Variants in SLC22A15 observed in about 807,000 individuals in gnomAD.
SLC22A15 encodes solute carrier family 22 member 15, also known as flipt 1.
Under a neutral mutation model 62.7 loss-of-function variants are expected in SLC22A15, and 45 were observed. The ratio of observed to expected loss-of-function variants is 0.72; its 90% CI spans 0.56 to 0.92. SLC22A15 has a LOEUF of 0.92. SLC22A15 is among the 40% of genes least tolerant of loss of function. SLC22A15 has a pLI of 0.00. For missense variants in SLC22A15, 622 were observed against 665.6 expected (o/e 0.93, Z 0.72); for synonymous variants, 264 against 267.0 (o/e 0.99, Z 0.11).
intron 5 of SLC22A15, 151 bp from the exon 6 acceptor site, chr1:116,031,215 C>T: frequency 3.3e-6 from 2 of 606,838 alleles, no homozygotes; most frequent in African/African-American, 1.9e-5. Context: ...TGAAAGTAGC[C>T]CTTTCATATG....
intron 1 of SLC22A15, among the ~76,000 whole-genome samples, chr1:115,976,990 A>G (rs1490216791): frequency 2.0e-5 from 3 of 151,756 alleles, no homozygotes; most frequent in African/African-American, 7.3e-5. Context: ...GTGTTGGGGG[A>G]GGTTTCTCAG....
At chr1:116,035,427 A>T in intron 7 of SLC22A15, 100 bp downstream of exon 7, 1 of 1,012,084 alleles carries the variant, frequency 9.9e-7, no homozygotes, top group Non-Finnish European at 1.4e-6. Context: ...TTGTCTTTGT[A>T]TGCAGTATCA....
chr1:115,983,352 A>T (rs1654701882), intron 1 of SLC22A15, among the ~76,000 whole-genome samples: 1 of 152,156 alleles, frequency 6.6e-6, no homozygotes, highest in Non-Finnish European at 1.5e-5. Context: ...ATAAATGCAG[A>T]TATTTTGCCT....
chr1:115,990,327 A>G (rs1443675201), intron 1 of SLC22A15, among the ~76,000 whole-genome samples: 1 of 152,256 alleles, frequency 6.6e-6, no homozygotes, highest in East Asian at 1.9e-4. Context: ...TGCATTCACT[A>G]GAACGTGTGT....
At chr1:116,056,052 C>T (rs1223066853) in intron 8 of SLC22A15, among the ~76,000 whole-genome samples, 1 of 122,336 alleles carries the variant, frequency 8.2e-6, no homozygotes, top group Non-Finnish European at 1.7e-5. Context: ...GAAGTTCTGG[C>T]CAGGGCAATT....
At chr1:116,016,786 A>G (rs1656557847) in intron 2 of SLC22A15, among the ~76,000 whole-genome samples, 1 of 152,088 alleles carries the variant, frequency 6.6e-6, no homozygotes, top group Admixed American at 6.6e-5. Flanking sequence ...CTGCATCTCC[A>G]TCACAACATC....
chr1:116,056,312 T>TC (rs201141766), intron 8 of SLC22A15, among the ~76,000 whole-genome samples: 136,616 of 141,440 alleles, frequency 0.97, 66,206 homozygotes, highest in East Asian at 1. Flanking sequence ...CACAATTGCT[T>TC]AAAGAGAATA....
chr1:116,056,686 T>G (rs955559687), intron 8 of SLC22A15, among the ~76,000 whole-genome samples: 1 of 152,106 alleles, frequency 6.6e-6, no homozygotes, highest in Non-Finnish European at 1.5e-5. Context: ...CAAAACAGCA[T>G]GGTACTGGTA....
intron 6 of SLC22A15, among the ~76,000 whole-genome samples, chr1:116,033,579 G>GTA (rs1657517733): frequency 7.4e-6 from 1 of 135,214 alleles, no homozygotes; most frequent in African/African-American, 2.7e-5. Flanking sequence ...GTGTGTGTGT[G>GTA]TGTGTGTGTA....
intron 8 of SLC22A15, among the ~76,000 whole-genome samples, chr1:116,053,720 A>G (rs1489268375): frequency 3.3e-5 from 5 of 152,230 alleles, no homozygotes; most frequent in African/African-American, 1.2e-4. Flanking sequence ...CAGAAACTCT[A>G]CAAGCCAGAA....
At chr1:116,018,363 T>G (rs1180192535) in intron 2 of SLC22A15, among the ~76,000 whole-genome samples, 4 of 152,138 alleles carry the variant, frequency 2.6e-5, no homozygotes, top group Non-Finnish European at 5.9e-5. Context: ...TTATTTTATT[T>G]TATTTTATTT....
chr1:116,052,060 G>C (rs1658068385), intron 8 of SLC22A15, among the ~76,000 whole-genome samples: 1 of 152,236 alleles, frequency 6.6e-6, no homozygotes, highest in African/African-American at 2.4e-5. Context: ...GCGCAGGACA[G>C]TGGGTGCAGT....
At chr1:116,058,274 A>G (rs961678220) in intron 8 of SLC22A15, among the ~76,000 whole-genome samples, 1 of 152,180 alleles carries the variant, frequency 6.6e-6, no homozygotes, top group African/African-American at 2.4e-5. Context: ...TCAGTAAGGA[A>G]AAACAAACAA....
At position 115,999,751 on chromosome 1, in the gene SLC22A15, G is replaced by C. The variant is rs945234139; in HGVS notation, c.300+7508G>C. Among the ~76,000 whole-genome samples, 24 of 151,998 alleles carry C rather than the reference G, an allele frequency of 1.6e-4. 1 individual carries two copies. The highest frequency in any genetic ancestry group is 2.0e-4 in the Admixed American group (3 of 15,268). On this transcript the variant is annotated intron_variant, in intron 2 of 11. Transcript: ENST00000369503. ...ACTCTTGAGCTCAGGCAGTCTGCCT[G>C]CCTCCACCCCGCAAAGTGCTAGGAT...
chr1:116,029,363 G>A (rs1347937791), intron 5 of SLC22A15, among the ~76,000 whole-genome samples: 2 of 152,058 alleles, frequency 1.3e-5, no homozygotes, highest in Non-Finnish European at 1.5e-5. Context: ...GTTTTGAGTT[G>A]GGCAACATTG....
At chr1:116,023,183 A>T (rs1300291666) in intron 4 of SLC22A15, among the ~76,000 whole-genome samples, 1 of 152,226 alleles carries the variant, frequency 6.6e-6, no homozygotes, top group Non-Finnish European at 1.5e-5. Flanking sequence ...AACAATATGT[A>T]AACATATACC....
At chr1:116,015,394 T>C (rs1656474294) in intron 2 of SLC22A15, 3 of 152,212 alleles carry the variant, frequency 2.0e-5, no homozygotes, top group Admixed American at 1.3e-4. Context: ...CACTTGGAAA[T>C]GGCAACCTGA....
chr1:116,064,865 A>G (rs952818272), intron 10 of SLC22A15, among the ~76,000 whole-genome samples: 2 of 152,144 alleles, frequency 1.3e-5, no homozygotes, highest in African/African-American at 2.4e-5. Context: ...TGCAGTCCTC[A>G]TAGTAACCAT....
At chr1:116,059,591 G>C (rs1287636191) in intron 8 of SLC22A15, among the ~76,000 whole-genome samples, 1 of 152,198 alleles carries the variant, frequency 6.6e-6, no homozygotes, top group East Asian at 1.9e-4. Context: ...TGAAACTATG[G>C]TGACAGAAGT....
Sources: allele counts gnomAD v4.1 joint callset (sites outside exome capture counted in the v4.1 genomes callset), GRCh38; gene constraint gnomAD v4.1.1; transcripts MANE v1.5; gene names NCBI Gene and HGNC (gene_info 2026-07-23, HGNC 2026-07-21).